The following STRADA variants were observed in gnomAD, a reference collection of about 807,000 sequenced individuals.
STRADA encodes the protein STE20 related adaptor alpha.
STRADA carries 26 observed loss-of-function variants against 55.0 expected under a neutral mutation model. The observed-to-expected ratio is 0.47, with a 90% CI of 0.35 to 0.66. The LOEUF (loss-of-function observed/expected upper bound fraction) is 0.66. Ranked by LOEUF, STRADA falls within the 30% of genes least tolerant of loss-of-function variation. The pLI, the probability that STRADA is intolerant of heterozygous loss-of-function variation, is 0.01. For synonymous variants in STRADA, 197 were observed against 210.9 expected (o/e 0.93, Z 0.57); for missense variants, 443 against 549.7 (o/e 0.81, Z 1.94).
chr17:63,720,213 C>T (rs1568199850), intron 4 of STRADA, among the ~76,000 whole-genome samples: 1 of 150,896 alleles, frequency 6.6e-6, no homozygotes, highest in Non-Finnish European at 1.5e-5. Flanking sequence ...CTCACTCTGT[C>T]TCCCAAGCTG....
chr17:63,704,059 G>C lies in STRADA; in HGVS notation c.1101-12C>G. Reference sequence around the variant, plus strand: ...TGCTGGCACTGGGCCTGGAGGGAAAGGGGAGGAGAGACCGCAGCATCACTG... The same window carrying C: ...TGCTGGCACTGGGCCTGGAGGGAAACGGGAGGAGAGACCGCAGCATCACTG... On this transcript the variant is annotated splice_polypyrimidine_tract_variant and intron_variant, in intron 11 of 12. Coordinates refer to ENST00000336174, the MANE Select transcript of STRADA (RefSeq NM_001003787.4). 1 of 1,612,776 alleles carries C rather than the reference G, an allele frequency of 6.2e-7. No individual in the cohort carries two copies. Among genetic ancestry groups the C allele is most frequent in the Non-Finnish European group, 8.5e-7 (1 of 1,179,462 alleles).
In STRADA at chr17:63,710,273, G is replaced by C. The variant is rs2036408721; in HGVS notation, c.581+218C>G. ...AGGCTGGTCTCAAACTCCTGACCTT[G>C]TGATCCACCTGCCTTGGCCTCCCAA... On this transcript the variant is annotated intron_variant, in intron 8 of 12. Transcript: ENST00000336174. 1.7e-5 allele frequency: 10 copies of C among 590,808 alleles called. No homozygotes were observed. In the South Asian group the frequency reaches 2.1e-4, roughly 12 times the overall value. 36.6% of individuals were successfully genotyped at this position (590,808 alleles called of 1,614,324 possible).
At chr17:63,713,331 TTTGTAATTCC>T (rs1256395857) in intron 6 of STRADA, 65 bp downstream of exon 6, 4 of 1,572,602 alleles carry the variant, frequency 2.5e-6, no homozygotes, top group Admixed American at 1.9e-5. Flanking sequence ...CCTTCATTTC[TTTGTAATTCC>T]TTGTAATTCC....
In STRADA at chr17:63,713,313, T is replaced by C. The variant is rs2036630983; in HGVS notation, c.348+93A>G. 6 of 1,530,892 alleles carry C rather than the reference T, an allele frequency of 3.9e-6. No homozygotes were observed. The South Asian group carries it at 7.5e-5, about 19-fold the overall frequency. The allele number at this position is 1,530,892 out of a possible 1,614,324, so 94.8% of individuals were successfully genotyped here. On this transcript the variant is annotated intron_variant, in intron 6 of 12. Transcript: ENST00000336174. ...GAAAGCTTCCATAACTTCCGAACGT[T>C]TAGTCTCCCTTCATTTCTTTGTAAT...
At chr17:63,731,720 G>A (rs1253050503) in intron 1 of STRADA, among the ~76,000 whole-genome samples, 1 of 151,954 alleles carries the variant, frequency 6.6e-6, no homozygotes, top group Non-Finnish European at 1.5e-5. Context: ...AGAAATTTAA[G>A]AGGAAAAAAG....
intron 9 of STRADA, 53 bp from the exon 10 acceptor site, chr17:63,706,792 A>G: frequency 7.0e-7 from 1 of 1,421,196 alleles, no homozygotes; most frequent in Non-Finnish European, 9.9e-7. Context: ...TTGTTCTTAG[A>G]AAAAGGGTAG....
At chr17:63,724,673 A>C (rs1258981639) in intron 3 of STRADA, among the ~76,000 whole-genome samples, 1 of 152,048 alleles carries the variant, frequency 6.6e-6, no homozygotes, top group African/African-American at 2.4e-5. Context: ...CGGCCTCCCA[A>C]AGTGCTGGGA....
At chr17:63,714,263 A>G (rs975805860) in intron 4 of STRADA, 155 bp from the exon 5 acceptor site, 14 of 641,376 alleles carry the variant, frequency 2.2e-5, no homozygotes, top group Non-Finnish European at 3.7e-5. Flanking sequence ...GAAACAAAAC[A>G]CTACATTCAG....
intron 8 of STRADA, among the ~76,000 whole-genome samples, chr17:63,710,178 A>G (rs1186558546): frequency 6.6e-6 from 1 of 151,758 alleles, no homozygotes; most frequent in Non-Finnish European, 1.5e-5. Flanking sequence ...TACTGGGACT[A>G]CAAGCATGTG....
At chr17:63,707,603 C>A (rs9912557) in intron 8 of STRADA, 185 bp from the exon 9 acceptor site, 390,400 of 601,244 alleles carry the variant, frequency 0.65, 129,922 homozygotes, top group African/African-American at 0.92. Context: ...CTCTGTCACC[C>A]GGCTAGAGTG....
intron 1 of STRADA, among the ~76,000 whole-genome samples, chr17:63,737,649 T>C (rs1476897213): frequency 6.6e-6 from 1 of 152,186 alleles, no homozygotes; most frequent in Non-Finnish European, 1.5e-5. Flanking sequence ...TAGAAAGTTA[T>C]GTACAATATT....
At chr17:63,710,315 C>T (rs555132633) in intron 8 of STRADA, 176 bp downstream of exon 8, 62 of 1,055,138 alleles carry the variant, frequency 5.9e-5, no homozygotes, top group Non-Finnish European at 5.4e-5. Context: ...TGATTACAGG[C>T]GTGAGCCATC....
At chr17:63,705,002 C>A in intron 10 of STRADA, 1 of 1,198,066 alleles carries the variant, frequency 8.3e-7, no homozygotes, top group Non-Finnish European at 1.2e-6. Flanking sequence ...GCAGTCCCTG[C>A]AGTGCCACAG....
At chr17:63,734,418 G>A (rs994066857) in intron 1 of STRADA, among the ~76,000 whole-genome samples, 9 of 152,064 alleles carry the variant, frequency 5.9e-5, no homozygotes, top group African/African-American at 7.2e-5. Flanking sequence ...TGAGGCAGGC[G>A]GATCACTAGA....
intron 1 of STRADA, among the ~76,000 whole-genome samples, chr17:63,739,707 CAT>C (rs1175744955): frequency 1.4e-5 from 2 of 146,582 alleles, no homozygotes; most frequent in Non-Finnish European, 3.0e-5. Flanking sequence ...AATATGTATA[CAT>C]ATATAATTTT....
chr17:63,713,320 C>G, intron 6 of STRADA, 86 bp downstream of exon 6: 1 of 1,552,428 alleles, frequency 6.4e-7, no homozygotes, highest in South Asian at 1.2e-5. Flanking sequence ...CGTTTAGTCT[C>G]CCTTCATTTC....
At chr17:63,716,371 C>T (rs963548935) in intron 4 of STRADA, among the ~76,000 whole-genome samples, 2 of 152,168 alleles carry the variant, frequency 1.3e-5, no homozygotes, top group Admixed American at 6.5e-5. Flanking sequence ...GCTAACATTA[C>T]AGGCATGAGC....
chr17:63,732,673 T>C (rs1235779281), intron 1 of STRADA, among the ~76,000 whole-genome samples: 1 of 152,022 alleles, frequency 6.6e-6, no homozygotes, highest in Non-Finnish European at 1.5e-5. Flanking sequence ...CATGTGCCTG[T>C]AGTCCCAACT....
chr17:63,710,032 C>CTTTT (rs199783375), intron 8 of STRADA, among the ~76,000 whole-genome samples: 2 of 132,250 alleles, frequency 1.5e-5, no homozygotes, highest in African/African-American at 5.9e-5. Context: ...ATCCTTCTCT[C>CTTTT]TTTTTTTTTT....
Sources: gnomAD v4.1 joint callset for allele counts (sites outside exome capture counted in the v4.1 genomes callset) on GRCh38, gnomAD v4.1.1 for gene constraint, MANE v1.5 for transcripts, NCBI Gene and HGNC (gene_info 2026-07-23, HGNC 2026-07-21) for gene names.